Variants in LSM14A observed in about 807,000 individuals in gnomAD.
LSM14A encodes protein LSM14 homolog A.
LSM14A carries 14 observed loss-of-function variants against 52.4 expected under a neutral mutation model. The observed-to-expected ratio is 0.27, with a 90% CI of 0.18 to 0.42. The LOEUF (loss-of-function observed/expected upper bound fraction) is 0.42. Ranked by LOEUF, LSM14A falls within the 10% of genes least tolerant of loss-of-function variation. The probability of loss-of-function intolerance (pLI) is 1.00; values close to 1 mark genes in which losing one functional copy is unlikely to be tolerated. For missense variants in LSM14A, 417 were observed against 581.8 expected (o/e 0.72, Z 2.91); for synonymous variants, 185 against 200.3 (o/e 0.92, Z 0.64).
At chr19:34,222,301 T>C (rs1346118125) in intron 9 of LSM14A, among the ~76,000 whole-genome samples, 1 of 152,234 alleles carries the variant, frequency 6.6e-6, no homozygotes, top group Non-Finnish European at 1.5e-5. Context: ...TTCACTACAT[T>C]TTCCCTGGTT....
intron 1 of LSM14A, 25 bp from the exon 2 acceptor site, chr19:34,194,453 C>T: frequency 6.2e-7 from 1 of 1,610,300 alleles, no homozygotes; most frequent in Non-Finnish European, 8.5e-7. Flanking sequence ...AGTCACACAT[C>T]TCATATCCTT....
intron 1 of LSM14A, among the ~76,000 whole-genome samples, chr19:34,180,793 A>G (rs895039300): frequency 1.3e-5 from 2 of 152,198 alleles, no homozygotes; most frequent in Non-Finnish European, 2.9e-5. Context: ...AACCCTGATT[A>G]TATCAACACA....
rs561058707 is a variant in LSM14A, at chr19:34,198,408, G to A, written c.415+1645G>A. Among the ~76,000 whole-genome samples, 4 of 151,204 alleles carry A rather than the reference G, an allele frequency of 2.6e-5. No individual in the cohort carries two copies. The East Asian group carries it at 8.0e-4, about 30-fold the overall frequency. On this transcript the variant is annotated intron_variant, in intron 3 of 9. Coordinates refer to ENST00000544216, the MANE Select transcript of LSM14A (RefSeq NM_015578.4). ...GTGGGCGGATCACCTGAAGTCAGGA[G>A]TTCAAGACCAGCCTGACCAACATGG...
Position 34,219,875 on chromosome 19 carries a change from T to C in LSM14A, c.1134T>C (p.Asn378=), listed in dbSNP as rs1051918106. 6.2e-7 allele frequency: 1 copy of C among 1,600,482 alleles called. No homozygotes were observed. The highest frequency in any genetic ancestry group is 1.3e-5 in the African/African-American group (1 of 74,666). ...TTGATAATATTTCTTGTGATGACAA[T>C]AGGTACAGTTTTTAAGCTGTTCTTT... is the stretch of plus-strand genomic sequence containing the variant. ...SFFDNISCDD[N]RERRPTWAEE... is the part of the protein sequence containing the mutation. Residue 378 remains asparagine, a splice_region_variant and synonymous_variant, in exon 8 of 10, where the codon AAT becomes AAC. Transcript: ENST00000544216.
At chr19:34,185,302 G>T (rs556394884) in intron 1 of LSM14A, among the ~76,000 whole-genome samples, 1 of 152,304 alleles carries the variant, frequency 6.6e-6, no homozygotes, top group East Asian at 1.9e-4. Flanking sequence ...CGAGAATATT[G>T]CAGACACAAG....
At chr19:34,196,444 G>A (rs1049903209) in intron 2 of LSM14A, among the ~76,000 whole-genome samples, 190 bp from the exon 3 acceptor site, 1 of 152,036 alleles carries the variant, frequency 6.6e-6, no homozygotes, top group Non-Finnish European at 1.5e-5. Context: ...AGTATAATTG[G>A]CACATTATAG....
intron 2 of LSM14A, among the ~76,000 whole-genome samples, chr19:34,195,963 AAC>A (rs1292460440): frequency 6.6e-6 from 1 of 152,218 alleles, no homozygotes. Context: ...ACTAGTGGTG[AAC>A]ACACAGAAAA....
intron 1 of LSM14A, among the ~76,000 whole-genome samples, chr19:34,179,784 G>T (rs528002726): frequency 6.6e-6 from 1 of 152,334 alleles, no homozygotes; most frequent in South Asian, 2.1e-4. Context: ...AGTAATAATA[G>T]CAGTAACTAC....
At chr19:34,202,156 G>A (rs1351917401) in intron 3 of LSM14A, among the ~76,000 whole-genome samples, 1 of 142,948 alleles carries the variant, frequency 7.0e-6, no homozygotes, top group Non-Finnish European at 1.5e-5. Flanking sequence ...CCATTTGGTT[G>A]GTTGGTTTGG....
chr19:34,187,077 T>TA (rs112578311), intron 1 of LSM14A, among the ~76,000 whole-genome samples: 70,832 of 145,678 alleles, frequency 0.49, 17,465 homozygotes, highest in Middle Eastern at 0.58. Flanking sequence ...GTCTCTAATT[T>TA]AAAAAAAAAA....
chr19:34,215,467 TA>T, intron 5 of LSM14A, 128 bp from the exon 6 acceptor site: 1 of 1,088,546 alleles, frequency 9.2e-7, no homozygotes, highest in East Asian at 2.4e-5. Flanking sequence ...GTGGTGTGGG[TA>T]TAGTTTTTTG....
intron 8 of LSM14A, 110 bp from the exon 9 acceptor site, chr19:34,221,397 A>G (rs780356116): frequency 2.8e-5 from 35 of 1,229,580 alleles, no homozygotes; most frequent in Non-Finnish European, 3.9e-5. Flanking sequence ...GCTTATTTCT[A>G]ATTAGCTTTA....
chr19:34,173,970 TG>T (rs2068900059), intron 1 of LSM14A, among the ~76,000 whole-genome samples: 2 of 152,058 alleles, frequency 1.3e-5, no homozygotes, highest in Non-Finnish European at 2.9e-5. Context: ...TTTTCTAAGA[TG>T]GAGTTTAGCT....
At chr19:34,208,336 AGAG>A (rs2071864199) in intron 3 of LSM14A, 2 of 152,236 alleles carry the variant, frequency 1.3e-5, no homozygotes. Flanking sequence ...GTAGAAACTT[AGAG>A]AAGAAATTTG....
At chr19:34,203,537 C>T (rs1302315910) in intron 3 of LSM14A, among the ~76,000 whole-genome samples, 2 of 152,116 alleles carry the variant, frequency 1.3e-5, no homozygotes, top group Admixed American at 6.6e-5. Context: ...CAGTGGCTCA[C>T]GCCTGTAATC....
intron 1 of LSM14A, among the ~76,000 whole-genome samples, chr19:34,177,725 A>AAAAAAATTT (rs1555764560): frequency 1.6e-4 from 24 of 151,222 alleles, no homozygotes; most frequent in African/African-American, 5.4e-4. Context: ...CCATTTCTAC[A>AAAAAAATTT]AAAAATTTTA....
At chr19:34,179,964 T>G (rs535612122) in intron 1 of LSM14A, among the ~76,000 whole-genome samples, 13 of 152,346 alleles carry the variant, frequency 8.5e-5, no homozygotes, top group African/African-American at 2.4e-4. Context: ...AGTCTCACTC[T>G]GTTGCCCAGG....
chr19:34,179,063 T>C (rs2069286192), intron 1 of LSM14A, among the ~76,000 whole-genome samples: 1 of 152,224 alleles, frequency 6.6e-6, no homozygotes, highest in African/African-American at 2.4e-5. Flanking sequence ...AAAAAATAAA[T>C]TCTTACATTT....
intron 3 of LSM14A, among the ~76,000 whole-genome samples, chr19:34,204,226 A>G (rs760105093): frequency 2.5e-4 from 38 of 152,228 alleles, no homozygotes; most frequent in Admixed American, 7.2e-4. Context: ...TATAGACCAA[A>G]TGCTGGACCA....
Sources: gnomAD v4.1 joint callset for allele counts (sites outside exome capture counted in the v4.1 genomes callset) on GRCh38, gnomAD v4.1.1 for gene constraint, MANE v1.5 for transcripts, NCBI Gene and HGNC (gene_info 2026-07-23, HGNC 2026-07-21) for gene names.